Variants in GPC5 observed in about 807,000 individuals in gnomAD.
The protein encoded by GPC5 is glypican-5.
In GPC5, 47 loss-of-function variants were observed where a neutral mutation model predicts 53.9. That is an observed-to-expected ratio of 0.87 (90% CI 0.69 to 1.11). The LOEUF (loss-of-function observed/expected upper bound fraction) is 1.11, where lower values mean the gene tolerates loss of function less well. Among genes scored for constraint, GPC5 ranks in the 50% most tolerant of loss-of-function variants. The pLI, the probability that GPC5 is intolerant of heterozygous loss-of-function variation, is 0.00. For missense variants in GPC5, 748 were observed against 713.1 expected (o/e 1.05, Z -0.56); for synonymous variants, 286 against 263.3 (o/e 1.09, Z -0.84).
intron 6 of GPC5, among the ~76,000 whole-genome samples, chr13:91,969,329 A>G (rs2040218879): frequency 1.3e-5 from 2 of 152,174 alleles, no homozygotes; most frequent in South Asian, 4.1e-4. Flanking sequence ...TAGCATGGAT[A>G]TCTGACATTA....
At chr13:92,483,155 A>G (rs1879420356) in intron 7 of GPC5, among the ~76,000 whole-genome samples, 1 of 152,212 alleles carries the variant, frequency 6.6e-6, no homozygotes, top group Non-Finnish European at 1.5e-5. Context: ...TGTGGGGATT[A>G]TTACAATTCA....
At chr13:91,699,233 A>T (rs2139847506) in intron 3 of GPC5, among the ~76,000 whole-genome samples, 1 of 152,330 alleles carries the variant, frequency 6.6e-6, no homozygotes, top group South Asian at 2.1e-4. Flanking sequence ...TCCATAATAT[A>T]TGAAAAGTTG....
chr13:92,485,411 C>T (rs376905546), intron 7 of GPC5, among the ~76,000 whole-genome samples: 1 of 151,916 alleles, frequency 6.6e-6, no homozygotes, highest in Non-Finnish European at 1.5e-5. Context: ...AAAGGCATAG[C>T]CTTTACTCTC....
At chr13:91,933,313 C>T (rs2039839237) in intron 6 of GPC5, among the ~76,000 whole-genome samples, 1 of 151,852 alleles carries the variant, frequency 6.6e-6, no homozygotes, top group Non-Finnish European at 1.5e-5. Context: ...ATCCTTGTAA[C>T]CCAATTCATA....
chr13:92,849,053 T>A (rs1878705034), intron 7 of GPC5, among the ~76,000 whole-genome samples: 1 of 152,102 alleles, frequency 6.6e-6, no homozygotes, highest in South Asian at 2.1e-4. Flanking sequence ...TTTCATAAGA[T>A]CTTGTTGACC....
At chr13:92,624,534 C>T (rs979255255) in intron 7 of GPC5, among the ~76,000 whole-genome samples, 2 of 152,092 alleles carry the variant, frequency 1.3e-5, no homozygotes, top group African/African-American at 4.8e-5. Flanking sequence ...TGCAAGTTAT[C>T]CAACCACAGA....
intron 7 of GPC5, among the ~76,000 whole-genome samples, chr13:92,168,398 G>C (rs1217984721): frequency 6.6e-6 from 1 of 152,140 alleles, no homozygotes. Context: ...AGAGTGAACA[G>C]GCAGCCTACA....
intron 6 of GPC5, among the ~76,000 whole-genome samples, chr13:92,047,806 T>TAA (rs35020183): frequency 0.052 from 5,103 of 98,644 alleles, 166 homozygotes; most frequent in Non-Finnish European, 0.065. Flanking sequence ...CTGTCTCTAC[T>TAA]AAAAAAAAAA....
At chr13:91,901,723 A>C (rs942476947) in intron 5 of GPC5, among the ~76,000 whole-genome samples, 1 of 152,076 alleles carries the variant, frequency 6.6e-6, no homozygotes, top group Non-Finnish European at 1.5e-5. Flanking sequence ...TAGATACAAC[A>C]TATTTCCCAG....
At chr13:91,583,617 T>C (rs1476947614) in intron 2 of GPC5, among the ~76,000 whole-genome samples, 1 of 152,080 alleles carries the variant, frequency 6.6e-6, no homozygotes, top group African/African-American at 2.4e-5. Context: ...TTTTTTTTGT[T>C]AGAAACTGAA....
intron 7 of GPC5, among the ~76,000 whole-genome samples, chr13:92,550,575 C>T (rs920800535): frequency 7.9e-5 from 12 of 151,532 alleles, no homozygotes; most frequent in Non-Finnish European, 1.6e-4. Flanking sequence ...CATATTCCAA[C>T]GGCAGGTATT....
At chr13:92,423,233 T>G (rs1329939646) in intron 7 of GPC5, among the ~76,000 whole-genome samples, 1 of 152,200 alleles carries the variant, frequency 6.6e-6, no homozygotes, top group African/African-American at 2.4e-5. Flanking sequence ...AAGATTAGGT[T>G]TCAACACATG....
intron 7 of GPC5, among the ~76,000 whole-genome samples, chr13:92,412,339 C>G (rs183671985): frequency 1.1e-3 from 166 of 152,108 alleles, no homozygotes; most frequent in Non-Finnish European, 1.8e-3. Context: ...AACAGACAAC[C>G]CTATGCCTGA....
intron 7 of GPC5, among the ~76,000 whole-genome samples, chr13:92,782,805 G>A (rs1876080608): frequency 6.6e-6 from 1 of 152,006 alleles, no homozygotes; most frequent in Admixed American, 6.6e-5. Context: ...AAACGTGCCT[G>A]GGATTCTGAC....
In GPC5 at chr13:91,571,839, T is replaced by TGTGTGTATATACACATATACG. The variant is rs1555325833; in HGVS notation, c.326-121348_326-121347insGTGTGTATATACACATATACG. Reference sequence around the variant, plus strand: ...CGTGTGTGTATATATACACATATACTTGTGTGTATATACACATATACGTGT... The same window carrying TGTGTGTATATACACATATACG: ...CGTGTGTGTATATATACACATATACTGTGTGTATATACACATATACGTGTGTGTATATACACATATACGTGT... On this transcript the variant is annotated intron_variant, in intron 2 of 7. Transcript: ENST00000377067. Among the ~76,000 whole-genome samples, 109 of 91,144 alleles carry TGTGTGTATATACACATATACG rather than the reference T, an allele frequency of 1.2e-3. 17 individuals carry two copies. Among genetic ancestry groups the TGTGTGTATATACACATATACG allele is most frequent in the East Asian group, 4.8e-3 (14 of 2,918 alleles). 59.8% of individuals were successfully genotyped at this position (91,144 alleles called of 152,430 possible).
intron 7 of GPC5, among the ~76,000 whole-genome samples, chr13:92,367,934 C>T (rs2043618920): frequency 6.6e-6 from 1 of 152,098 alleles, no homozygotes; most frequent in South Asian, 2.1e-4. Flanking sequence ...TGGGAATGGT[C>T]AACAGTAAAC....
intron 7 of GPC5, among the ~76,000 whole-genome samples, chr13:92,770,320 G>A (rs979413210): frequency 2.6e-5 from 4 of 151,632 alleles, no homozygotes; most frequent in Middle Eastern, 3.4e-3. Flanking sequence ...AGACTGAGGT[G>A]GGAGAACATT....
chr13:92,800,908 T>A (rs1237475118), intron 7 of GPC5, among the ~76,000 whole-genome samples: 1 of 151,808 alleles, frequency 6.6e-6, no homozygotes, highest in East Asian at 1.9e-4. Flanking sequence ...CCTTAAATGA[T>A]GACCTTCTTG....
Position 92,272,273 on chromosome 13 carries a change from C to T in GPC5, c.1561+127284C>T, listed in dbSNP as rs566806654. Among the ~76,000 whole-genome samples the T allele has an allele frequency of 3.3e-5, 5 of 152,144 alleles. No individual in the cohort carries two copies. In the South Asian group the frequency reaches 1.0e-3, roughly 32 times the overall value. ...TGGAAGGGAAGAAGAAAGGTAGAAA[C>T]ACAGGAAAGAAGGGAAAGTCACATC... On this transcript the variant is annotated intron_variant, in intron 7 of 7. Transcript: ENST00000377067.
Sources: allele counts gnomAD v4.1 joint callset (sites outside exome capture counted in the v4.1 genomes callset), GRCh38; gene constraint gnomAD v4.1.1; transcripts MANE v1.5; gene names NCBI Gene and HGNC (gene_info 2026-07-23, HGNC 2026-07-21).